Variants in LRBA observed in about 807,000 individuals in gnomAD.
The protein encoded by LRBA is LPS responsive beige-like anchor protein.
A neutral mutation model predicts 330.0 loss-of-function variants in LRBA; 176 were observed. That is an observed-to-expected ratio of 0.53 (90% confidence interval 0.47 to 0.60). LRBA has a LOEUF of 0.60. Among genes scored for constraint, LRBA ranks in the 20% least tolerant of loss-of-function variants. LRBA has a pLI of 0.00. For synonymous variants in LRBA, 1,230 were observed against 1,193.0 expected (o/e 1.03, Z -0.64); for missense variants, 3,259 against 3,444.8 (o/e 0.95, Z 1.35).
At chr4:150,951,661 T>C (rs1397484372) in intron 2 of LRBA, among the ~76,000 whole-genome samples, 1 of 152,132 alleles carries the variant, frequency 6.6e-6, no homozygotes, top group Non-Finnish European at 1.5e-5. Flanking sequence ...GAAAAATAAT[T>C]AAAATACTTT....
intron 37 of LRBA, among the ~76,000 whole-genome samples, chr4:150,663,936 AG>A (rs1461146081): frequency 6.6e-6 from 1 of 152,234 alleles, no homozygotes; most frequent in East Asian, 1.9e-4. Flanking sequence ...CTCACCAAGA[AG>A]ATAACATGGG....
At chr4:150,657,747 T>C (rs1328285589) in intron 37 of LRBA, among the ~76,000 whole-genome samples, 1 of 152,160 alleles carries the variant, frequency 6.6e-6, no homozygotes, top group African/African-American at 2.4e-5. Flanking sequence ...ATTTTTTAAC[T>C]TAATAGTAAT....
chr4:150,982,341 T>A (rs540341653), intron 2 of LRBA, among the ~76,000 whole-genome samples: 2 of 152,184 alleles, frequency 1.3e-5, no homozygotes, highest in Admixed American at 1.3e-4. Context: ...TATGTAATGT[T>A]TTAAATGGGC....
intron 38 of LRBA, among the ~76,000 whole-genome samples, chr4:150,593,046 C>T (rs2126475747): frequency 1.3e-5 from 2 of 152,208 alleles, no homozygotes; most frequent in East Asian, 3.9e-4. Context: ...TAGTTCCTTA[C>T]TCTAAAATCA....
rs34671398 is a variant in LRBA, at chr4:150,727,067, G to GTTTTTT, written c.5754+8185_5754+8190dup. On this transcript the variant is annotated intron_variant, in intron 36 of 56. Coordinates refer to ENST00000651943, the MANE Select transcript of LRBA (RefSeq NM_001364905.1). ...AAAGTTATTTACAGAACATTTCGTT[G>GTTTTTT]TTTTTTTTTTTTTTTTTTTTTTTGA... Among the ~76,000 whole-genome samples, 95 of 79,516 alleles carry GTTTTTT rather than the reference G, an allele frequency of 1.2e-3. 2 individuals are homozygous for GTTTTTT. The highest frequency in any genetic ancestry group is 1.8e-3 in the East Asian group (4 of 2,220). The allele number at this position is 79,516 out of a possible 152,430, so 52.2% of individuals were successfully genotyped here. A position where few individuals can be genotyped will look rare whatever the true frequency, so the allele number is the denominator to read the frequency against.
intron 37 of LRBA, among the ~76,000 whole-genome samples, chr4:150,602,465 T>C (rs573891673): frequency 6.6e-6 from 1 of 152,300 alleles, no homozygotes; most frequent in South Asian, 2.1e-4. Flanking sequence ...ATAACTAGCA[T>C]ATTTAAAGTC....
intron 47 of LRBA, among the ~76,000 whole-genome samples, chr4:150,406,830 G>C (rs1199220716): frequency 6.6e-6 from 1 of 152,132 alleles, no homozygotes; most frequent in Non-Finnish European, 1.5e-5. Context: ...GCCCAGGCTG[G>C]AGTGCAGTGG....
intron 54 of LRBA, among the ~76,000 whole-genome samples, chr4:150,285,666 A>C (rs919663426): frequency 1.3e-5 from 2 of 152,232 alleles, no homozygotes; most frequent in Non-Finnish European, 2.9e-5. Flanking sequence ...ACTTTCTACA[A>C]TGATGGAAAT....
chr4:150,660,458 C>T (rs1428149284), intron 37 of LRBA, among the ~76,000 whole-genome samples: 6 of 151,352 alleles, frequency 4.0e-5, no homozygotes, highest in African/African-American at 1.2e-4. Flanking sequence ...CCCGGCCAGC[C>T]GCCCCGTCCG....
At chr4:150,487,305 G>GAT (rs554892029) in intron 42 of LRBA, among the ~76,000 whole-genome samples, 1 of 149,782 alleles carries the variant, frequency 6.7e-6, no homozygotes, top group Non-Finnish European at 1.5e-5. Context: ...TAATTATATC[G>GAT]ATATATATAC....
At chr4:150,504,343 G>A (rs1211284814) in intron 40 of LRBA, among the ~76,000 whole-genome samples, 1 of 152,200 alleles carries the variant, frequency 6.6e-6, no homozygotes. Flanking sequence ...CAGCCAGAGA[G>A]AAAGGTCGGG....
chr4:151,000,425 T>C (rs533360273), intron 2 of LRBA, among the ~76,000 whole-genome samples: 3 of 152,204 alleles, frequency 2.0e-5, no homozygotes, highest in African/African-American at 7.2e-5. Context: ...AAAAGTGCTT[T>C]ACAATGTCTC....
At chr4:150,476,227 T>A (rs913692817) in intron 42 of LRBA, among the ~76,000 whole-genome samples, 4 of 152,154 alleles carry the variant, frequency 2.6e-5, no homozygotes, top group Non-Finnish European at 5.9e-5. Context: ...GATATGGGTG[T>A]TTAAAGCTGT....
chr4:150,596,376 G>A (rs1029002721), intron 38 of LRBA, among the ~76,000 whole-genome samples: 5 of 151,646 alleles, frequency 3.3e-5, no homozygotes, highest in Non-Finnish European at 5.9e-5. Flanking sequence ...ACTAAAATAC[G>A]TAACTGATCT....
chr4:150,600,593 G>A (rs1774013975), intron 37 of LRBA, among the ~76,000 whole-genome samples: 1 of 151,956 alleles, frequency 6.6e-6, no homozygotes, highest in Non-Finnish European at 1.5e-5. Flanking sequence ...TCAGGAGAAG[G>A]AGATATAATG....
chr4:150,755,303 C>T (rs2126424982), intron 35 of LRBA, among the ~76,000 whole-genome samples: 1 of 152,294 alleles, frequency 6.6e-6, no homozygotes, highest in East Asian at 1.9e-4. Context: ...GTCTGAGTTA[C>T]TGCTGTAATA....
At chr4:150,622,854 C>T (rs1345866625) in intron 37 of LRBA, among the ~76,000 whole-genome samples, 1 of 152,042 alleles carries the variant, frequency 6.6e-6, no homozygotes, top group Non-Finnish European at 1.5e-5. Flanking sequence ...CCCGCCACCG[C>T]GCCCAGCTAA....
chr4:150,508,243 G>A (rs1421533442), intron 40 of LRBA, among the ~76,000 whole-genome samples: 3 of 38,844 alleles, frequency 7.7e-5, no homozygotes, highest in Non-Finnish European at 1.4e-4. Flanking sequence ...AAAAAAAAGG[G>A]GGGGGGGGGG....
intron 53 of LRBA, among the ~76,000 whole-genome samples, chr4:150,300,800 T>A (rs1332727502): frequency 6.6e-6 from 1 of 152,130 alleles, no homozygotes; most frequent in Non-Finnish European, 1.5e-5. Flanking sequence ...AATTCCTAAC[T>A]TTAAGGCATA....
Sources: allele counts gnomAD v4.1 joint callset (sites outside exome capture counted in the v4.1 genomes callset), GRCh38; gene constraint gnomAD v4.1.1; transcripts MANE v1.5; gene names NCBI Gene and HGNC (gene_info 2026-07-23, HGNC 2026-07-21).